The following SHISA9 variants were observed in gnomAD, a reference collection of about 807,000 sequenced individuals.
SHISA9 encodes protein shisa-9.
SHISA9 carries 13 observed loss-of-function variants against 38.0 expected under a neutral mutation model. The ratio of observed to expected loss-of-function variants is 0.34; its 90% CI spans 0.22 to 0.54. SHISA9 has a LOEUF of 0.54. Ranked by LOEUF, SHISA9 falls within the 20% of genes least tolerant of loss-of-function variation. The probability of loss-of-function intolerance (pLI) is 0.91; values close to 1 mark genes in which losing one functional copy is unlikely to be tolerated. For missense variants in SHISA9, 538 were observed against 575.8 expected (o/e 0.93, Z 0.67); for synonymous variants, 275 against 242.0 (o/e 1.14, Z -1.27).
At chr16:13,062,854 GC>G (rs751935574) in intron 2 of SHISA9, among the ~76,000 whole-genome samples, 109 of 152,196 alleles carry the variant, frequency 7.2e-4, no homozygotes, top group Middle Eastern at 3.4e-3. Context: ...TGTAAGTTGT[GC>G]ACCCAAGGAA....
intron 3 of SHISA9, among the ~76,000 whole-genome samples, chr16:13,211,154 A>G (rs1443211673): frequency 6.6e-6 from 1 of 151,970 alleles, no homozygotes; most frequent in East Asian, 1.9e-4. Context: ...AAAATTAGCC[A>G]GGTGTGGTGC....
At chr16:13,416,131 A>G in the SHISA9 span, among the ~76,000 whole-genome samples, 1 of 151,710 alleles carries the variant, frequency 6.6e-6, no homozygotes, top group South Asian at 2.1e-4. Flanking sequence ...TTCTACATGA[A>G]AAAAAACCTC....
the SHISA9 span, among the ~76,000 whole-genome samples, chr16:13,278,399 T>C: frequency 1.5e-3 from 230 of 152,090 alleles, no homozygotes; most frequent in African/African-American, 5.5e-3. Flanking sequence ...CGTCCTTTCC[T>C]GGTTTTGGTA....
At chr16:13,553,680 A>AG in the SHISA9 span, among the ~76,000 whole-genome samples, 1 of 133,680 alleles carries the variant, frequency 7.5e-6, no homozygotes, top group Non-Finnish European at 1.6e-5. Flanking sequence ...TTTAAAAAAA[A>AG]AGAAAAAAAA....
At chr16:13,547,316 A>G in the SHISA9 span, among the ~76,000 whole-genome samples, 1 of 152,208 alleles carries the variant, frequency 6.6e-6, no homozygotes, top group Non-Finnish European at 1.5e-5. Context: ...GAAAGGCTAT[A>G]TATTAGGGTT....
At chr16:12,989,012 G>A (rs993985873) in intron 2 of SHISA9, among the ~76,000 whole-genome samples, 2 of 152,072 alleles carry the variant, frequency 1.3e-5, no homozygotes, top group Non-Finnish European at 2.9e-5. Context: ...GTGTTTTGTA[G>A]ATGGAGCCAC....
chr16:13,071,584 C>A (rs1194238672), intron 2 of SHISA9, among the ~76,000 whole-genome samples: 1 of 145,802 alleles, frequency 6.9e-6, no homozygotes, highest in Non-Finnish European at 1.5e-5. Context: ...TTCCTCCCTT[C>A]CTTCCTTCCT....
At chr16:13,234,978 C>G (rs1183686870) in intron 4 of SHISA9, 52 bp from the exon 5 acceptor site, 3 of 1,488,904 alleles carry the variant, frequency 2.0e-6, no homozygotes, top group South Asian at 1.4e-5. Flanking sequence ...CTCTCTCTCT[C>G]TCTCTCTCTT....
At chr16:13,191,462 A>T (rs1484267206) in intron 2 of SHISA9, among the ~76,000 whole-genome samples, 1 of 152,228 alleles carries the variant, frequency 6.6e-6, no homozygotes, top group African/African-American at 2.4e-5. Flanking sequence ...AGCTTTAGCT[A>T]CCATATGTTG....
intron 2 of SHISA9, among the ~76,000 whole-genome samples, chr16:12,919,210 A>T (rs766371186): frequency 6.6e-6 from 1 of 152,222 alleles, no homozygotes; most frequent in African/African-American, 2.4e-5. Flanking sequence ...ATCCAGTCTG[A>T]TAAATGGAAA....
chr16:12,927,393 G>A (rs899736667), intron 2 of SHISA9, among the ~76,000 whole-genome samples: 1 of 152,050 alleles, frequency 6.6e-6, no homozygotes, highest in Non-Finnish European at 1.5e-5. Flanking sequence ...AAGCATAGCT[G>A]TTTTTTACTT....
chr16:13,253,084 TTAA>T, the SHISA9 span, among the ~76,000 whole-genome samples: 1 of 152,228 alleles, frequency 6.6e-6, no homozygotes, highest in African/African-American at 2.4e-5. Context: ...CGTGATTTTC[TTAA>T]TAATAACATT....
chr16:12,999,312 G>C (rs2072495997), intron 2 of SHISA9, among the ~76,000 whole-genome samples: 1 of 152,194 alleles, frequency 6.6e-6, no homozygotes, highest in African/African-American at 2.4e-5. Flanking sequence ...TTTACAGTTT[G>C]AGAGCTGATA....
rs776126600 is a variant in SHISA9, at chr16:13,240,144, T to G, written c.*4735T>G. 1.3e-5 allele frequency: 2 copies of G among 152,294 alleles called. No individual in the cohort carries two copies. Among genetic ancestry groups the G allele is most frequent in the Non-Finnish European group, 2.9e-5 (2 of 68,064 alleles). 9.4% of individuals were successfully genotyped at this position (152,294 alleles called of 1,614,324 possible). A position where few individuals can be genotyped will look rare whatever the true frequency, so the allele number is the denominator to read the frequency against. ...CACAGTGTCTCAGCCTCCATCTGCC[T>G]TGGGCTCCGCCTGGCCTCCCCATCT... On this transcript the variant is annotated 3_prime_UTR_variant, in exon 5 of 5. Transcript: ENST00000558583.
chr16:13,484,667 G>A, the SHISA9 span, among the ~76,000 whole-genome samples: 1 of 152,208 alleles, frequency 6.6e-6, no homozygotes, highest in Non-Finnish European at 1.5e-5. Flanking sequence ...TCACAGTGTG[G>A]CAGGTTGTAC....
chr16:12,918,159 C>G (rs1486445609), intron 2 of SHISA9, among the ~76,000 whole-genome samples: 8 of 152,072 alleles, frequency 5.3e-5, no homozygotes, highest in East Asian at 1.9e-4. Context: ...AATACACCAG[C>G]AAATGGAAGT....
At chr16:13,089,820 T>C (rs9927119) in intron 2 of SHISA9, among the ~76,000 whole-genome samples, 7,163 of 152,266 alleles carry the variant, frequency 0.047, 603 homozygotes, top group African/African-American at 0.16. Flanking sequence ...GCTCTGATCT[T>C]AATTATTTCT....
intron 2 of SHISA9, among the ~76,000 whole-genome samples, chr16:13,157,258 C>T (rs149493004): frequency 3.3e-5 from 5 of 152,332 alleles, no homozygotes; most frequent in Non-Finnish European, 7.4e-5. Flanking sequence ...CAGAGCCTCT[C>T]ATCTATCCTA....
At chr16:12,996,575 C>G (rs2072460062) in intron 2 of SHISA9, among the ~76,000 whole-genome samples, 1 of 152,174 alleles carries the variant, frequency 6.6e-6, no homozygotes. Context: ...ATATCGTAGT[C>G]TGGATTTGTG....
Sources: gnomAD v4.1 joint callset for allele counts (sites outside exome capture counted in the v4.1 genomes callset) on GRCh38, gnomAD v4.1.1 for gene constraint, MANE v1.5 for transcripts, NCBI Gene and HGNC (gene_info 2026-07-23, HGNC 2026-07-21) for gene names.